The following UBE4B variants were observed in gnomAD, a reference collection of about 807,000 sequenced individuals.
The protein encoded by UBE4B is ubiquitination factor E4B.
Under a neutral mutation model 148.1 loss-of-function variants are expected in UBE4B, and 27 were observed. The observed-to-expected ratio is 0.18, with a 90% CI of 0.13 to 0.25. The LOEUF (loss-of-function observed/expected upper bound fraction) is 0.25, where lower values mean the gene tolerates loss of function less well. Among genes scored for constraint, UBE4B ranks in the 10% least tolerant of loss-of-function variants. The pLI is 1.00. For missense variants in UBE4B, 1,170 were observed against 1,662.4 expected, an observed-to-expected ratio of 0.70 and a Z score of 5.15; for synonymous variants, 596 against 619.3, an observed-to-expected ratio of 0.96 and a Z score of 0.56.
chr1:10,155,214 G>A (rs938253003), intron 21 of UBE4B, among the ~76,000 whole-genome samples: 1 of 152,036 alleles, frequency 6.6e-6, no homozygotes, highest in African/African-American at 2.4e-5. Context: ...AATTGGGTGG[G>A]GGTTGTTCTC....
chr1:10,102,845 A>G, intron 4 of UBE4B, 103 bp from the exon 5 acceptor site: 1 of 1,250,700 alleles, frequency 8.0e-7, no homozygotes, highest in Non-Finnish European at 1.1e-6. Context: ...TTTTTAAAAT[A>G]TCATCACTAA....
At chr1:10,148,707 A>T (rs1645920781) in intron 19 of UBE4B, among the ~76,000 whole-genome samples, 1 of 151,750 alleles carries the variant, frequency 6.6e-6, no homozygotes, top group South Asian at 2.1e-4. Context: ...TGGGAGGCCA[A>T]GATGGGTGGA....
In UBE4B at chr1:10,112,652, A is replaced by G. The variant is rs1290787448; in HGVS notation, c.1197-4807A>G. Among the ~76,000 whole-genome samples the G allele has an allele frequency of 2.0e-5, 3 of 152,134 alleles. No homozygotes were observed. The East Asian group carries it at 5.8e-4, about 29-fold the overall frequency. ...TGACCTCAAGTGATCTGCCCCCCTC[A>G]GCCTCCCAAAGTGTAGAAATATTTC... is the stretch of plus-strand genomic sequence containing the variant. On this transcript the variant is annotated intron_variant, in intron 7 of 27. Coordinates refer to ENST00000343090, the MANE Select transcript of UBE4B (RefSeq NM_001105562.3).
At chr1:10,072,674 G>T in intron 2 of UBE4B, 1 of 535,938 alleles carries the variant, frequency 1.9e-6, no homozygotes, top group African/African-American at 1.9e-5. Context: ...CTGATAGGAT[G>T]TTTAGAACTA....
At chr1:10,131,980 A>G (rs1645602892) in intron 14 of UBE4B, among the ~76,000 whole-genome samples, 1 of 151,644 alleles carries the variant, frequency 6.6e-6, no homozygotes, top group Non-Finnish European at 1.5e-5. Context: ...AAATGCAAAA[A>G]CTAGCTGGGT....
At chr1:10,146,219 A>C (rs1411732561) in intron 18 of UBE4B, among the ~76,000 whole-genome samples, 1 of 152,190 alleles carries the variant, frequency 6.6e-6, no homozygotes, top group Non-Finnish European at 1.5e-5. Flanking sequence ...TGAGAGGCCG[A>C]GGCAGGCAGA....
At chr1:10,157,202 G>A (rs934062783) in intron 21 of UBE4B, among the ~76,000 whole-genome samples, 1 of 152,054 alleles carries the variant, frequency 6.6e-6, no homozygotes, top group Non-Finnish European at 1.5e-5. Flanking sequence ...TTTATTAATA[G>A]TAGAGGCGGG....
intron 2 of UBE4B, among the ~76,000 whole-genome samples, chr1:10,078,239 C>T (rs1360205498): frequency 6.6e-6 from 1 of 152,066 alleles, no homozygotes; most frequent in East Asian, 1.9e-4. Flanking sequence ...AAACTCCTGA[C>T]CTCAGGTGAT....
intron 17 of UBE4B, among the ~76,000 whole-genome samples, chr1:10,141,191 C>T (rs1450014638): frequency 2.6e-5 from 4 of 152,140 alleles, no homozygotes; most frequent in African/African-American, 9.7e-5. Flanking sequence ...ATCCTGGTCT[C>T]GGAACCTGTG....
At chr1:10,052,318 G>A (rs902862901) in intron 1 of UBE4B, among the ~76,000 whole-genome samples, 1 of 151,618 alleles carries the variant, frequency 6.6e-6, no homozygotes, top group Non-Finnish European at 1.5e-5. Context: ...ATGATCCTCC[G>A]GCCTTAGCCT....
chr1:10,149,699 A>ATTGT (rs1645938850), intron 20 of UBE4B, among the ~76,000 whole-genome samples: 1 of 152,300 alleles, frequency 6.6e-6, no homozygotes, highest in South Asian at 2.1e-4. Flanking sequence ...TCTAACTGGT[A>ATTGT]TTGTAGGGTT....
chr1:10,137,921 C>CTTTTTTTTTTTTTT (rs70998351), intron 17 of UBE4B, among the ~76,000 whole-genome samples: 3 of 67,034 alleles, frequency 4.5e-5, no homozygotes, highest in African/African-American at 6.9e-5. Context: ...CTTACTAATT[C>CTTTTTTTTTTTTTT]TTTTTTTTTT....
chr1:10,080,157 C>T (rs557602732), intron 2 of UBE4B, among the ~76,000 whole-genome samples: 30 of 152,182 alleles, frequency 2.0e-4, no homozygotes, highest in African/African-American at 6.7e-4. Context: ...TGTGGTGGCT[C>T]ACGCCTGTAA....
chr1:10,105,692 A>G lies in UBE4B; in HGVS notation c.757A>G (p.Thr253Ala). ...LLLNTGSNPGTSPMFCSVASF... is the reference protein window; with the variant it reads ...LLLNTGSNPGASPMFCSVASF... Reference sequence around the variant, plus strand: ...GCTAAACACTGGCTCCAATCCAGGAACAAGCCCCATGTTCTGCAGCGTGGC... The same window carrying G: ...GCTAAACACTGGCTCCAATCCAGGAGCAAGCCCCATGTTCTGCAGCGTGGC... Residue 253 changes from threonine to alanine, a missense_variant, in exon 6 of 28, where the codon ACA becomes GCA. Around this residue, in one of 6 missense-constraint regions of UBE4B, gnomAD observed 214 missense variants for 209.1 expected, o/e 1.02. Coordinates refer to ENST00000343090, the MANE Select transcript of UBE4B (RefSeq NM_001105562.3). The G allele has an allele frequency of 6.2e-7, 1 of 1,614,240 alleles. No individual in the cohort carries two copies.
chr1:10,164,117 G>A (rs1646210857), intron 23 of UBE4B, among the ~76,000 whole-genome samples: 1 of 151,976 alleles, frequency 6.6e-6, no homozygotes, highest in Non-Finnish European at 1.5e-5. Context: ...GAGGCCGGCA[G>A]ATCACCTGAG....
At chr1:10,102,907 C>A in intron 4 of UBE4B, 41 bp from the exon 5 acceptor site, 1 of 1,570,938 alleles carries the variant, frequency 6.4e-7, no homozygotes, top group South Asian at 1.1e-5. Context: ...TAACTCATAC[C>A]TCTTATTTGA....
chr1:10,142,505 T>C (rs750958171), intron 17 of UBE4B, among the ~76,000 whole-genome samples: 1 of 148,904 alleles, frequency 6.7e-6, no homozygotes, highest in Non-Finnish European at 1.5e-5. Context: ...ACCTCGTCAC[T>C]ACTAAAAATA....
At chr1:10,085,480 T>A (rs1028855279) in intron 2 of UBE4B, among the ~76,000 whole-genome samples, 2 of 152,216 alleles carry the variant, frequency 1.3e-5, no homozygotes, top group Non-Finnish European at 2.9e-5. Context: ...CAGGAGATGT[T>A]CACCAGCCAA....
At chr1:10,156,990 A>C (rs1261462190) in intron 21 of UBE4B, among the ~76,000 whole-genome samples, 1 of 152,052 alleles carries the variant, frequency 6.6e-6, no homozygotes, top group Non-Finnish European at 1.5e-5. Flanking sequence ...CAACATAGTG[A>C]GACCCCATCT....
Sources: allele counts gnomAD v4.1 joint callset (sites outside exome capture counted in the v4.1 genomes callset), GRCh38; gene constraint gnomAD v4.1.1; regional missense constraint gnomAD v4.1.1; transcripts MANE v1.5; gene names NCBI Gene and HGNC (gene_info 2026-07-23, HGNC 2026-07-21).